MIPOL1: variants seen among roughly 807,000 people sequenced by gnomAD.
MIPOL1 encodes mirror-image polydactyly gene 1 protein.
A neutral mutation model predicts 60.9 loss-of-function variants in MIPOL1; 57 were observed. The ratio of observed to expected loss-of-function variants is 0.94; its 90% CI spans 0.76 to 1.17. MIPOL1 has a LOEUF of 1.17. Ranked by LOEUF, MIPOL1 falls within the 50% of genes most tolerant of loss-of-function variation. The pLI is 0.00. For synonymous variants in MIPOL1, 179 were observed against 168.8 expected (o/e 1.06, Z -0.47); for missense variants, 551 against 511.6 (o/e 1.08, Z -0.74).
At chr14:37,500,587 T>C (rs1247359093) in intron 12 of MIPOL1, among the ~76,000 whole-genome samples, 1 of 152,222 alleles carries the variant, frequency 6.6e-6, no homozygotes, top group African/African-American at 2.4e-5. Flanking sequence ...TTTCTTGTGT[T>C]GTTCTTCTGA....
At chr14:37,537,511 C>T (rs1024267256) in intron 12 of MIPOL1, among the ~76,000 whole-genome samples, 8 of 152,070 alleles carry the variant, frequency 5.3e-5, no homozygotes, top group African/African-American at 1.7e-4. Flanking sequence ...TCAATCACAA[C>T]CCATTATTAA....
intron 9 of MIPOL1, among the ~76,000 whole-genome samples, chr14:37,343,120 T>C (rs1435995125): frequency 6.6e-6 from 1 of 151,608 alleles, no homozygotes; most frequent in Non-Finnish European, 1.5e-5. Flanking sequence ...TTATGTTATA[T>C]ATAAAGTATA....
intron 10 of MIPOL1, among the ~76,000 whole-genome samples, chr14:37,411,184 A>G (rs1233361348): frequency 6.6e-6 from 1 of 152,182 alleles, no homozygotes; most frequent in Non-Finnish European, 1.5e-5. Flanking sequence ...ATACAATTTG[A>G]AGCTATGAGG....
chr14:37,438,406 C>T (rs914831555), intron 11 of MIPOL1, among the ~76,000 whole-genome samples: 1 of 152,122 alleles, frequency 6.6e-6, no homozygotes, highest in African/African-American at 2.4e-5. Context: ...AAGGCATCAT[C>T]CCTTTTTGGA....
At chr14:37,244,556 T>A (rs1175069409) in intron 1 of MIPOL1, among the ~76,000 whole-genome samples, 3 of 152,012 alleles carry the variant, frequency 2.0e-5, no homozygotes, top group African/African-American at 7.2e-5. Context: ...TTTTTTTTTT[T>A]AAATAGGTGA....
intron 1 of MIPOL1, among the ~76,000 whole-genome samples, chr14:37,228,522 T>G (rs921937128): frequency 3.3e-5 from 5 of 151,944 alleles, no homozygotes; most frequent in African/African-American, 1.2e-4. Context: ...GAACAAACAG[T>G]TTATTGCTAG....
intron 11 of MIPOL1, among the ~76,000 whole-genome samples, chr14:37,430,429 T>C (rs948078246): frequency 2.0e-5 from 3 of 152,070 alleles, no homozygotes; most frequent in Admixed American, 6.6e-5. Flanking sequence ...TACAGCTGGC[T>C]TCACTGTTCA....
At chr14:37,362,063 A>G (rs2153486354) in intron 9 of MIPOL1, among the ~76,000 whole-genome samples, 1 of 152,268 alleles carries the variant, frequency 6.6e-6, no homozygotes, top group Non-Finnish European at 1.5e-5. Context: ...GACTCTATCC[A>G]ATTTGCCAGT....
intron 11 of MIPOL1, among the ~76,000 whole-genome samples, chr14:37,423,347 A>AC (rs1234080489): frequency 6.6e-6 from 1 of 150,560 alleles, no homozygotes; most frequent in Non-Finnish European, 1.5e-5. Context: ...TTTAAAACAC[A>AC]CATGAGCAGC....
intron 9 of MIPOL1, among the ~76,000 whole-genome samples, chr14:37,318,461 T>A (rs2088177394): frequency 6.6e-6 from 1 of 152,206 alleles, no homozygotes; most frequent in Non-Finnish European, 1.5e-5. Context: ...ATTTTTTCCC[T>A]TGTCAGTTTG....
intron 7 of MIPOL1, among the ~76,000 whole-genome samples, chr14:37,288,978 A>T (rs551161128): frequency 6.6e-6 from 1 of 152,276 alleles, no homozygotes; most frequent in South Asian, 2.1e-4. Flanking sequence ...TTTCATTATG[A>T]ATTTCACATT....
chr14:37,202,084 G>A (rs914456177), intron 1 of MIPOL1, among the ~76,000 whole-genome samples: 1 of 152,110 alleles, frequency 6.6e-6, no homozygotes, highest in Non-Finnish European at 1.5e-5. Flanking sequence ...CTCCTGCCTC[G>A]ACCTCCCAAA....
Position 37,200,850 on chromosome 14 carries a change from A to G in MIPOL1, c.-199+2746A>G, listed in dbSNP as rs10135531. ...TAGATCCATAATACTATATCTATCT[A>G]TGTGTGTGTGTGTGTGTGTGTGTGT... On this transcript the variant is annotated intron_variant, in intron 1 of 12. Coordinates refer to ENST00000684589, the MANE Select transcript of MIPOL1 (RefSeq NM_001388067.1). Among the ~76,000 whole-genome samples, 127 of 87,022 alleles carry G rather than the reference A, an allele frequency of 1.5e-3. 1 individual carries two copies. Among genetic ancestry groups the G allele is most frequent in the East Asian group, 3.6e-3 (10 of 2,786 alleles). The allele number at this position is 87,022 out of a possible 152,430, so 57.1% of individuals were successfully genotyped here.
At chr14:37,285,890 C>T (rs572571359) in intron 7 of MIPOL1, among the ~76,000 whole-genome samples, 1 of 152,174 alleles carries the variant, frequency 6.6e-6, no homozygotes, top group South Asian at 2.1e-4. Context: ...CCGCGCCCGG[C>T]CTCTCCAGTC....
At chr14:37,443,797 C>T (rs1190103339) in intron 11 of MIPOL1, among the ~76,000 whole-genome samples, 1 of 146,326 alleles carries the variant, frequency 6.8e-6, no homozygotes, top group Admixed American at 6.8e-5. Flanking sequence ...CCAAATCCAA[C>T]AGCATATATA....
At chr14:37,240,940 TACACACAC>T (rs10554089) in intron 1 of MIPOL1, among the ~76,000 whole-genome samples, 6 of 146,078 alleles carry the variant, frequency 4.1e-5, no homozygotes, top group Admixed American at 2.0e-4. Context: ...CACACACACA[TACACACAC>T]ACACACACAC....
chr14:37,350,708 C>A (rs1434787335), intron 9 of MIPOL1, among the ~76,000 whole-genome samples: 1 of 152,092 alleles, frequency 6.6e-6, no homozygotes, highest in Non-Finnish European at 1.5e-5. Context: ...TATTAACCAT[C>A]CCACTTCCCT....
rs565912745 is a variant in MIPOL1, at chr14:37,486,195, A to G, written c.1032-13713A>G. ...TGTTTGTTCTGTTTCATTCGTCTAT[A>G]TATCTGTTTTGCTACCAGTACCATG... On this transcript the variant is annotated intron_variant, in intron 11 of 12. Transcript: ENST00000684589. 7.2e-5 allele frequency among the ~76,000 whole-genome samples: 11 copies of G among 152,202 alleles called. No individual in the cohort carries two copies. The East Asian group carries it at 9.6e-4, about 13-fold the overall frequency.
chr14:37,488,316 G>T (rs528166989), intron 11 of MIPOL1, among the ~76,000 whole-genome samples: 1 of 152,300 alleles, frequency 6.6e-6, no homozygotes, highest in African/African-American at 2.4e-5. Flanking sequence ...AGGGTGGAGA[G>T]TTCTGTAGAT....
Sources: gnomAD v4.1 joint callset for allele counts (sites outside exome capture counted in the v4.1 genomes callset) on GRCh38, gnomAD v4.1.1 for gene constraint, MANE v1.5 for transcripts, NCBI Gene and HGNC (gene_info 2026-07-23, HGNC 2026-07-21) for gene names.